Variants in RARB observed in about 807,000 individuals in gnomAD.
RARB encodes retinoic acid receptor beta, also known as HBV-activated protein.
Under a neutral mutation model 51.9 loss-of-function variants are expected in RARB, and 17 were observed. The observed-to-expected ratio is 0.33, with a 90% confidence interval of 0.22 to 0.49. RARB has a LOEUF of 0.49. Ranked by LOEUF, RARB falls within the 20% of genes least tolerant of loss-of-function variation. The pLI is 0.99. For missense variants in RARB, 369 were observed against 550.8 expected, an observed-to-expected ratio of 0.67 and a Z score of 3.30; for synonymous variants, 215 against 195.4, an observed-to-expected ratio of 1.10 and a Z score of -0.84.
intron 3 of RARB, among the ~76,000 whole-genome samples, chr3:25,093,235 C>T (rs1477862882): frequency 2.0e-5 from 3 of 152,138 alleles, no homozygotes; most frequent in Non-Finnish European, 2.9e-5. Flanking sequence ...TGATACTTCT[C>T]CTTTTATACA....
At chr3:25,401,543 C>T (rs1044651446) in intron 5 of RARB, among the ~76,000 whole-genome samples, 3 of 152,046 alleles carry the variant, frequency 2.0e-5, no homozygotes, top group African/African-American at 7.2e-5. Context: ...AATAAATGAT[C>T]AGATGGGGAA....
At chr3:24,932,251 C>G (rs116560959) in intron 2 of RARB, among the ~76,000 whole-genome samples, 1 of 152,030 alleles carries the variant, frequency 6.6e-6, no homozygotes, top group African/African-American at 2.4e-5. Flanking sequence ...GAAACAGTAA[C>G]TCCAAAAGTA....
intron 4 of RARB, among the ~76,000 whole-genome samples, chr3:25,133,574 T>A (rs1288587999): frequency 6.6e-6 from 1 of 152,024 alleles, no homozygotes; most frequent in Non-Finnish European, 1.5e-5. Context: ...GCTTATGCCT[T>A]AAGTTATCTC....
intron 2 of RARB, among the ~76,000 whole-genome samples, chr3:25,472,064 C>T (rs1193648402): frequency 6.6e-6 from 1 of 152,200 alleles, no homozygotes; most frequent in East Asian, 1.9e-4. Flanking sequence ...ATCTTACATT[C>T]CTATAGCCTT....
intron 5 of RARB, among the ~76,000 whole-genome samples, chr3:25,414,952 C>T (rs1038757852): frequency 6.6e-6 from 1 of 152,160 alleles, no homozygotes; most frequent in Non-Finnish European, 1.5e-5. Context: ...AGCAATTCTC[C>T]TGACTCAGCC....
At chr3:24,927,815 A>G (rs780214042) in intron 2 of RARB, among the ~76,000 whole-genome samples, 2 of 152,092 alleles carry the variant, frequency 1.3e-5, no homozygotes, top group Non-Finnish European at 2.9e-5. Flanking sequence ...TGGTGTGAGT[A>G]GGTGCTAGAA....
chr3:25,562,451 G>A (rs1436686091), intron 3 of RARB, among the ~76,000 whole-genome samples: 3 of 152,208 alleles, frequency 2.0e-5, no homozygotes, highest in South Asian at 2.1e-4. Flanking sequence ...CCACAGACAC[G>A]TGTGCCTCTT....
intron 2 of RARB, among the ~76,000 whole-genome samples, chr3:24,890,462 T>G (rs1283685184): frequency 1.3e-5 from 2 of 152,146 alleles, no homozygotes; most frequent in Non-Finnish European, 2.9e-5. Context: ...ACGTATGACT[T>G]TGTAGGTCAG....
intron 2 of RARB, among the ~76,000 whole-genome samples, chr3:25,470,108 C>T (rs1695614471): frequency 6.6e-6 from 1 of 152,158 alleles, no homozygotes; most frequent in Non-Finnish European, 1.5e-5. Flanking sequence ...GAGGTAATCT[C>T]TGCAATTTCA....
At chr3:25,386,827 T>C (rs1706809371) in intron 5 of RARB, among the ~76,000 whole-genome samples, 1 of 152,212 alleles carries the variant, frequency 6.6e-6, no homozygotes, top group African/African-American at 2.4e-5. Flanking sequence ...TGCCAACTCT[T>C]CTTATTGTTC....
At chr3:25,207,352 A>G (rs1204058275) in intron 5 of RARB, among the ~76,000 whole-genome samples, 9 of 152,208 alleles carry the variant, frequency 5.9e-5, no homozygotes, top group Admixed American at 3.3e-4. Flanking sequence ...TATCTTAACA[A>G]TGAGAAATTT....
intron 3 of RARB, among the ~76,000 whole-genome samples, chr3:25,560,852 T>C (rs1700240029): frequency 6.6e-6 from 1 of 152,348 alleles, no homozygotes; most frequent in Admixed American, 6.5e-5. Context: ...GAACCCCTCA[T>C]GCTTTATTTG....
intron 2 of RARB, among the ~76,000 whole-genome samples, chr3:25,006,606 G>A (rs62228474): frequency 0.28 from 42,961 of 152,030 alleles, 6,255 homozygotes; most frequent in East Asian, 0.46. Flanking sequence ...TATTTTTAAA[G>A]TGGTGAGGCA....
At chr3:24,933,508 C>T (rs115124081) in intron 2 of RARB, among the ~76,000 whole-genome samples, 5,088 of 152,110 alleles carry the variant, frequency 0.033, 183 homozygotes, top group East Asian at 0.18. Context: ...TCTCGCCCTT[C>T]AGAGTTTTGC....
At chr3:24,940,238 T>C (rs1298787508) in intron 2 of RARB, among the ~76,000 whole-genome samples, 1 of 152,110 alleles carries the variant, frequency 6.6e-6, no homozygotes, top group Non-Finnish European at 1.5e-5. Flanking sequence ...CATTTAACAA[T>C]TTCATACTGA....
At chr3:25,365,199 C>CTTTTTTTTTTTTTT (rs3035063) in intron 5 of RARB, among the ~76,000 whole-genome samples, 2 of 75,456 alleles carry the variant, frequency 2.7e-5, no homozygotes, top group Non-Finnish European at 5.0e-5. Flanking sequence ...TTCTTTCTTT[C>CTTTTTTTTTTTTTT]TTTTTTTTTT....
At chr3:25,171,652 A>AAAAAAAAACAAAAAAAAC (rs1553639746) in intron 4 of RARB, among the ~76,000 whole-genome samples, 1 of 147,000 alleles carries the variant, frequency 6.8e-6, no homozygotes, top group African/African-American at 2.5e-5. Context: ...GTAAAAAAAA[A>AAAAAAAAACAAAAAAAAC]AAAAAAAAAC....
At chr3:25,563,297 T>C (rs1700349258) in intron 3 of RARB, among the ~76,000 whole-genome samples, 1 of 152,208 alleles carries the variant, frequency 6.6e-6, no homozygotes, top group African/African-American at 2.4e-5. Context: ...ATGGAATAAC[T>C]TGATTCATTC....
intron 4 of RARB, 63 bp downstream of exon 4, chr3:25,569,981 G>GACACACAC (rs56255512): frequency 7.7e-5 from 82 of 1,069,516 alleles, no homozygotes; most frequent in Non-Finnish European, 9.7e-5. Context: ...CATGTGTGCA[G>GACACACAC]ACACACACAC....
Sources: allele counts gnomAD v4.1 joint callset (sites outside exome capture counted in the v4.1 genomes callset), GRCh38; gene constraint gnomAD v4.1.1; transcripts MANE v1.5; gene names NCBI Gene and HGNC (gene_info 2026-07-23, HGNC 2026-07-21).